The following WASHC4 variants were observed in gnomAD, a reference collection of about 807,000 sequenced individuals.
WASHC4 encodes WASH complex subunit 4.
In WASHC4, 86 loss-of-function variants were observed where a neutral mutation model predicts 166.6. That is an observed-to-expected ratio of 0.52 (90% CI 0.43 to 0.62). The LOEUF (loss-of-function observed/expected upper bound fraction) is 0.62. WASHC4 is among the 20% of genes least tolerant of loss of function. The pLI, the probability that WASHC4 is intolerant of heterozygous loss-of-function variation, is 0.00. For synonymous variants in WASHC4, 446 were observed against 451.6 expected (o/e 0.99, Z 0.16); for missense variants, 1,262 against 1,382.4 (o/e 0.91, Z 1.38).
rs1879237201 is a variant in WASHC4, at chr12:105,107,952, C to T, written c.61+91C>T. ...GGCAGCGCTCCTGCGAGAGGGACGG[C>T]TGCGCAGCCGTCTGGTGCGGGACAC... On this transcript the variant is annotated intron_variant, in intron 1 of 32. Coordinates refer to ENST00000332180, the MANE Select transcript of WASHC4 (RefSeq NM_015275.3). 7.4e-6 allele frequency: 7 copies of T among 947,144 alleles called. No homozygotes were observed. The East Asian group carries it at 1.8e-4, about 25-fold the overall frequency. The allele number at this position is 947,144 out of a possible 1,614,324, so 58.7% of individuals were successfully genotyped here.
At chr12:105,120,119 TGGATA>T (rs1198556246) in intron 7 of WASHC4, among the ~76,000 whole-genome samples, 2 of 152,234 alleles carry the variant, frequency 1.3e-5, no homozygotes, top group African/African-American at 2.4e-5. Flanking sequence ...AAGACCAGTT[TGGATA>T]GGATAACAAA....
In WASHC4 at chr12:105,125,780, T is replaced by C. The variant is rs763651015; in HGVS notation, c.787-224T>C. Among the ~76,000 whole-genome samples, 118 of 152,126 alleles carry C rather than the reference T, an allele frequency of 7.8e-4. 1 individual carries two copies. Among genetic ancestry groups the C allele is most frequent in the Admixed American group, 5.2e-4 (8 of 15,280 alleles). On this transcript the variant is annotated intron_variant, in intron 10 of 32. Coordinates refer to ENST00000332180, the MANE Select transcript of WASHC4 (RefSeq NM_015275.3). ...AGGATTATAGATTTGGGTTCAATTT[T>C]ATTACTTTCACATAACTAGTACCCA...
rs1881362543 is a variant in WASHC4 at position 105,127,141 on chromosome 12, A to C, written c.1051A>C (p.Thr351Pro). 2 of 1,612,728 alleles carry C rather than the reference A, an allele frequency of 1.2e-6. No homozygotes were observed. Among genetic ancestry groups the C allele is most frequent in the African/African-American group, 2.7e-5 (2 of 74,832 alleles). ...LDICKKVPAI[T>P]LTANIIWFPD... The stretch of plus-strand genomic sequence containing the variant: ...TTTTCTGTTTCAGGTACCAGCCATC[A>C]CTCTAACTGCTAATATTATTTGGTT... The change falls in exon 13 of 33, where the codon ACT becomes CCT. Residue 351 changes from threonine (T) to proline (P), a missense_variant. Transcript: ENST00000332180.
intron 19 of WASHC4, 59 bp downstream of exon 19, chr12:105,142,617 G>A (rs185309524): frequency 1.1e-4 from 104 of 971,334 alleles, no homozygotes; most frequent in Admixed American, 1.0e-3. Flanking sequence ...TGTGTAAACC[G>A]TTTTAGTTTA....
intron 14 of WASHC4, 114 bp downstream of exon 14, chr12:105,134,010 G>T: frequency 3.0e-6 from 3 of 987,550 alleles, no homozygotes; most frequent in Admixed American, 3.8e-5. Flanking sequence ...AAAGCAAGTT[G>T]ATTTGGTTAT....
intron 26 of WASHC4, among the ~76,000 whole-genome samples, chr12:105,155,612 G>C (rs927989820): frequency 3.9e-5 from 6 of 152,144 alleles, no homozygotes; most frequent in Admixed American, 1.3e-4. Context: ...AGGCCGAGGT[G>C]GGTGGATCAC....
chr12:105,157,296 T>A lies in WASHC4; in HGVS notation c.2886T>A (p.Leu962=). 6.4e-7 allele frequency: 1 copy of A among 1,561,110 alleles called. No individual in the cohort carries two copies. Among genetic ancestry groups the A allele is most frequent in the South Asian group, 1.1e-5 (1 of 89,962 alleles). ...NFEELVKEEG[L]AEETLKAARH... is the part of the protein sequence containing the mutation. ...AAGAACTAGTAAAAGAAGAAGGTCT[T>A]GCAGAAGAAACATTAAAAGCAGCAA... Residue 962 remains leucine (L), a synonymous_variant, in exon 28 of 33, where the codon CTT becomes CTA. Coordinates refer to ENST00000332180, the MANE Select transcript of WASHC4 (RefSeq NM_015275.3).
rs1204469968 is a variant in WASHC4, at chr12:105,107,824, G to C, written c.24G>C (p.Pro8=). 9.7e-6 allele frequency: 15 copies of C among 1,551,012 alleles called. No homozygotes were observed. The African/African-American group carries it at 1.4e-4, about 14-fold the overall frequency. The part of the protein sequence containing the change: MAVETLS[P]DWEFDRVDDG... ...TGATGGCGGTGGAGACTCTGTCCCCGGACTGGGAGTTTGACCGCGTTGACG... is the reference window on the plus strand; with the variant it reads ...TGATGGCGGTGGAGACTCTGTCCCCCGACTGGGAGTTTGACCGCGTTGACG... The change falls in exon 1 of 33, where the codon CCG becomes CCC. Residue 8 remains proline, a synonymous_variant. Transcript: ENST00000332180.
Position 105,122,978 on chromosome 12 carries a change from C to G in WASHC4, c.786+740C>G, listed in dbSNP as rs1035795289. Among the ~76,000 whole-genome samples, 3 of 152,136 alleles carry G rather than the reference C, an allele frequency of 2.0e-5. No homozygotes were observed. In the East Asian group the frequency reaches 5.8e-4, roughly 29 times the overall value. On this transcript the variant is annotated intron_variant, in intron 10 of 32. Coordinates refer to ENST00000332180, the MANE Select transcript of WASHC4 (RefSeq NM_015275.3). ...AAAGAAGAGTTTCATGTCTCTTAAT[C>G]AAAAGCTAGACATGGTTAAGCTTAG...
chr12:105,149,596 T>C lies in WASHC4; in HGVS notation c.2515-19T>C, dbSNP rs1023736342. Reference sequence around the variant, plus strand: ...TTTTATATTAACTTTTTTCAACTTTTTGAATTTTAATTTTATAGGTTAATT... The same window carrying C: ...TTTTATATTAACTTTTTTCAACTTTCTGAATTTTAATTTTATAGGTTAATT... On this transcript the variant is annotated intron_variant, in intron 24 of 32. Coordinates refer to ENST00000332180, the MANE Select transcript of WASHC4 (RefSeq NM_015275.3). 2.2e-6 allele frequency: 3 copies of C among 1,372,888 alleles called. No individual in the cohort carries two copies. Among genetic ancestry groups the C allele is most frequent in the African/African-American group, 2.9e-5 (2 of 69,264 alleles). The allele number at this position is 1,372,888 out of a possible 1,614,324, so 85.0% of individuals were successfully genotyped here. A position where few individuals can be genotyped will look rare whatever the true frequency, so the allele number is the denominator to read the frequency against.
At chr12:105,111,079 T>C (rs1258854547) in intron 1 of WASHC4, 46 bp from the exon 2 acceptor site, 1 of 1,408,992 alleles carries the variant, frequency 7.1e-7, no homozygotes, top group Admixed American at 1.7e-5. Context: ...TGTCCTGCAA[T>C]TCATTACTTG....
intron 21 of WASHC4, 21 bp from the exon 22 acceptor site, chr12:105,144,697 T>A: frequency 6.2e-7 from 1 of 1,604,160 alleles, no homozygotes; most frequent in Non-Finnish European, 8.5e-7. Context: ...TTTCACAAGT[T>A]GAATTTTTTT....
intron 1 of WASHC4, among the ~76,000 whole-genome samples, chr12:105,109,781 G>A (rs1879482767): frequency 6.6e-6 from 1 of 151,786 alleles, no homozygotes; most frequent in African/African-American, 2.4e-5. Flanking sequence ...TTAGTAGCTG[G>A]CTGATTTTTT....
intron 25 of WASHC4, 147 bp from the exon 26 acceptor site, chr12:105,152,196 G>T: frequency 1.6e-6 from 1 of 610,046 alleles, no homozygotes; most frequent in Non-Finnish European, 3.0e-6. Flanking sequence ...TTGAACATTG[G>T]TAGTGTATGA....
intron 7 of WASHC4, among the ~76,000 whole-genome samples, chr12:105,120,181 A>G (rs143997596): frequency 1.3e-3 from 204 of 152,374 alleles, no homozygotes; most frequent in African/African-American, 4.7e-3. Flanking sequence ...GAAAGATATG[A>G]ATACCACTTT....
chr12:105,140,986 C>T lies in WASHC4; in HGVS notation c.1648C>T (p.Pro550Ser). The T allele has an allele frequency of 6.2e-7, 1 of 1,614,108 alleles. No individual in the cohort carries two copies. The highest frequency in any genetic ancestry group is 2.2e-5 in the East Asian group (1 of 44,874). ...TTTGGCTGAAAACACTCTAAATGGA[C>T]CAAGCACAAAGCAACGGCGACTTAT... ...LVLAENTLNG[P>S]STKQRRLIVS... The change falls in exon 17 of 33, where the codon CCA becomes TCA. Residue 550 changes from proline (P) to serine (S), a missense_variant. By Grantham distance (74) the Pro-to-Ser change is moderately conservative. Transcript: ENST00000332180.
At chr12:105,141,408 C>T (rs946398729) in intron 18 of WASHC4, among the ~76,000 whole-genome samples, 162 bp downstream of exon 18, 1 of 152,162 alleles carries the variant, frequency 6.6e-6, no homozygotes, top group African/African-American at 2.4e-5. Flanking sequence ...GACTAGGGAT[C>T]ATATTTATTT....
At chr12:105,127,838 A>G (rs1176251287) in intron 13 of WASHC4, among the ~76,000 whole-genome samples, 2 of 151,862 alleles carry the variant, frequency 1.3e-5, no homozygotes, top group Non-Finnish European at 2.9e-5. Context: ...TTTTTTTTAC[A>G]TCCTTATTTT....
intron 7 of WASHC4, among the ~76,000 whole-genome samples, chr12:105,119,931 C>G (rs993403775): frequency 6.6e-6 from 1 of 152,100 alleles, no homozygotes; most frequent in African/African-American, 2.4e-5. Flanking sequence ...AGGACTGATT[C>G]CTAAAGACCA....
Sources: allele counts gnomAD v4.1 joint callset (sites outside exome capture counted in the v4.1 genomes callset), GRCh38; gene constraint gnomAD v4.1.1; transcripts MANE v1.5; gene names NCBI Gene and HGNC (gene_info 2026-07-23, HGNC 2026-07-21).